The following SEMA3A variants were observed in gnomAD, a reference collection of about 807,000 sequenced individuals.
SEMA3A encodes the protein semaphorin-3A.
Under a neutral mutation model 97.9 loss-of-function variants are expected in SEMA3A, and 29 were observed. The observed-to-expected ratio is 0.30, with a 90% CI of 0.22 to 0.40. SEMA3A has a LOEUF of 0.40. Among genes scored for constraint, SEMA3A ranks in the 10% least tolerant of loss-of-function variants. The probability of loss-of-function intolerance (pLI) is 1.00; values close to 1 mark genes in which losing one functional copy is unlikely to be tolerated. For synonymous variants in SEMA3A, 321 were observed against 323.7 expected (o/e 0.99, Z 0.09); for missense variants, 763 against 951.3 (o/e 0.80, Z 2.60).
intron 1 of SEMA3A, among the ~76,000 whole-genome samples, chr7:84,399,125 AG>A (rs934331521): frequency 6.6e-6 from 1 of 152,134 alleles, no homozygotes; most frequent in Non-Finnish European, 1.5e-5. Flanking sequence ...GTGCTTGGGG[AG>A]GAAAAGCACG....
chr7:84,222,231 T>G (rs2116338804), intron 3 of SEMA3A, among the ~76,000 whole-genome samples: 1 of 152,082 alleles, frequency 6.6e-6, no homozygotes, highest in African/African-American at 2.4e-5. Context: ...AATTAAATTT[T>G]TAAGTTTTAT....
chr7:84,406,568 A>C (rs929671188), intron 1 of SEMA3A, among the ~76,000 whole-genome samples: 5 of 152,020 alleles, frequency 3.3e-5, no homozygotes, highest in African/African-American at 7.2e-5. Context: ...CATCATCCTG[A>C]TACCAAAGCC....
rs1293216344 is a variant in SEMA3A, at chr7:83,961,583, A to G, written c.2104T>C (p.Trp702Arg). 6.2e-7 allele frequency: 1 copy of G among 1,614,102 alleles called. No homozygotes were observed. The highest frequency in any genetic ancestry group is 8.5e-7 in the Non-Finnish European group (1 of 1,179,948). The part of the protein sequence containing the change: ...SNSMTPSQKV[W>R]YRDFMQLINH... The stretch of plus-strand genomic sequence containing the variant: ...ATGAGCTGCATGAAGTCTCTGTACC[A>G]GACCTTCTGGCTAGGTGTCATGCTA... The change falls in exon 17 of 17, where the codon TGG becomes CGG. Residue 702 changes from tryptophan to arginine, a missense_variant. Transcript: ENST00000265362.
chr7:84,065,706 C>T (rs1045900576), intron 4 of SEMA3A, among the ~76,000 whole-genome samples: 1 of 152,058 alleles, frequency 6.6e-6, no homozygotes, highest in Non-Finnish European at 1.5e-5. Context: ...TACACTCTCC[C>T]AAGACTAAAC....
intron 1 of SEMA3A, among the ~76,000 whole-genome samples, chr7:84,476,546 TACA>T (rs1562959895): frequency 1.3e-5 from 2 of 152,118 alleles, no homozygotes; most frequent in African/African-American, 4.8e-5. Flanking sequence ...CATGAATGCC[TACA>T]ACATTGTAGG....
chr7:84,117,227 T>C (rs1285386878), intron 3 of SEMA3A, among the ~76,000 whole-genome samples: 1 of 152,208 alleles, frequency 6.6e-6, no homozygotes, highest in Non-Finnish European at 1.5e-5. Flanking sequence ...ATGCACACAT[T>C]TAAATTTCAG....
intron 6 of SEMA3A, among the ~76,000 whole-genome samples, chr7:84,025,916 T>C (rs1461990246): frequency 6.6e-6 from 1 of 152,220 alleles, no homozygotes; most frequent in Non-Finnish European, 1.5e-5. Flanking sequence ...TGTTTGCACC[T>C]ATGTAATTTG....
chr7:84,440,634 T>G (rs531841225), intron 1 of SEMA3A, among the ~76,000 whole-genome samples: 2 of 152,206 alleles, frequency 1.3e-5, no homozygotes, highest in East Asian at 3.9e-4. Context: ...TGCATGCCCA[T>G]GGGAAGGCAC....
At chr7:84,404,559 C>T (rs1043312105) in intron 1 of SEMA3A, among the ~76,000 whole-genome samples, 1 of 152,120 alleles carries the variant, frequency 6.6e-6, no homozygotes, top group Non-Finnish European at 1.5e-5. Context: ...CAGAGATACT[C>T]CTCGAGAAGA....
intron 1 of SEMA3A, among the ~76,000 whole-genome samples, chr7:84,400,643 C>CAAA (rs1803876436): frequency 6.6e-6 from 1 of 151,952 alleles, no homozygotes; most frequent in Non-Finnish European, 1.5e-5. Context: ...AAAATAGCCT[C>CAAA]AAAGGGGCAA....
rs983010572 is a variant in SEMA3A at position 84,037,743 on chromosome 7, ACT to A, written c.667+8579_667+8580del. On this transcript the variant is annotated intron_variant, in intron 6 of 16. Transcript: ENST00000265362. ...AATTATGATTTATTTTAAAAGTATA[ACT>A]CTATTTTTGAATAGATTTTTAAAGT... 1.2e-4 allele frequency among the ~76,000 whole-genome samples: 19 copies of A among 152,162 alleles called. No homozygotes were observed. The South Asian group carries it at 1.5e-3, about 12-fold the overall frequency.
chr7:84,424,487 G>GATATATA (rs1209825957), intron 1 of SEMA3A, among the ~76,000 whole-genome samples: 3,476 of 77,130 alleles, frequency 0.045, 329 homozygotes, highest in East Asian at 0.14. Flanking sequence ...ATAATATATT[G>GATATATA]ATATATAATA....
At chr7:84,382,410 T>TA (rs769269401) in intron 1 of SEMA3A, among the ~76,000 whole-genome samples, 7 of 150,938 alleles carry the variant, frequency 4.6e-5, no homozygotes, top group Non-Finnish European at 1.0e-4. Flanking sequence ...CCAGCCCTCA[T>TA]ATGCTATTTT....
chr7:84,425,542 A>T (rs1050614358), intron 1 of SEMA3A, among the ~76,000 whole-genome samples: 4 of 144,964 alleles, frequency 2.8e-5, no homozygotes, highest in Non-Finnish European at 6.0e-5. Flanking sequence ...GTATATTTAT[A>T]TGAATATAAA....
At chr7:84,427,218 T>A (rs1478137711) in intron 1 of SEMA3A, among the ~76,000 whole-genome samples, 2 of 151,842 alleles carry the variant, frequency 1.3e-5, no homozygotes, top group Non-Finnish European at 2.9e-5. Context: ...CCTCTAACCA[T>A]CCCCCACAAT....
At chr7:84,008,502 AAAAAAAG>A (rs1482547387) in intron 9 of SEMA3A, among the ~76,000 whole-genome samples, 64 of 149,366 alleles carry the variant, frequency 4.3e-4, no homozygotes, top group Non-Finnish European at 5.3e-4. Context: ...AAAAAAAAAA[AAAAAAAG>A]AAAGAAAAAG....
intron 2 of SEMA3A, among the ~76,000 whole-genome samples, chr7:84,363,588 G>A (rs1014594044): frequency 2.5e-4 from 38 of 151,906 alleles, no homozygotes; most frequent in African/African-American, 8.0e-4. Context: ...ACACAAACAT[G>A]TTTCCACTTA....
rs1554345528 is a variant in SEMA3A at position 84,203,527 on chromosome 7, T to TATA, written c.-82-8860_-82-8859insTAT. On this transcript the variant is annotated intron_variant, in intron 3 of 3. Transcript: ENST00000424555. Reference sequence around the variant, plus strand: ...GTATATATATATATATATATATATATTTTTTTTTTTTTTTTTTTTCTGAGA... The same window carrying TATA: ...GTATATATATATATATATATATATATATATTTTTTTTTTTTTTTTTTTCTGAGA... Among the ~76,000 whole-genome samples the TATA allele has an allele frequency of 2.2e-3, 66 of 29,638 alleles. No individual in the cohort carries two copies. The East Asian group carries it at 0.045, about 20-fold the overall frequency. 19.4% of individuals were successfully genotyped at this position (29,638 alleles called of 152,430 possible).
intron 3 of SEMA3A, among the ~76,000 whole-genome samples, chr7:84,206,143 A>T (rs1798489082): frequency 1.3e-5 from 2 of 152,146 alleles, no homozygotes; most frequent in Non-Finnish European, 2.9e-5. Flanking sequence ...ATTTCAGAAT[A>T]ATTTCATAAA....
Sources: allele counts gnomAD v4.1 joint callset (sites outside exome capture counted in the v4.1 genomes callset), GRCh38; gene constraint gnomAD v4.1.1; transcripts MANE v1.5; gene names NCBI Gene and HGNC (gene_info 2026-07-23, HGNC 2026-07-21).